The following XKR3 variants were observed in gnomAD, a reference collection of about 807,000 sequenced individuals.
XKR3 encodes the protein XK related 3.
In XKR3, 27 loss-of-function variants were observed where a neutral mutation model predicts 40.3. That is an observed-to-expected ratio of 0.67 (90% CI 0.49 to 0.92). The LOEUF (loss-of-function observed/expected upper bound fraction) is 0.92, where lower values mean the gene tolerates loss of function less well. Among genes scored for constraint, XKR3 ranks in the 40% least tolerant of loss-of-function variants. The probability of loss-of-function intolerance (pLI) is 0.00; values close to 1 mark genes in which losing one functional copy is unlikely to be tolerated. For missense variants in XKR3, 472 were observed against 537.6 expected, an observed-to-expected ratio of 0.88 and a Z score of 1.21; for synonymous variants, 193 against 195.4, an observed-to-expected ratio of 0.99 and a Z score of 0.10.
chr22:16,795,101 G>A (rs1424861764), intron 3 of XKR3, among the ~76,000 whole-genome samples: 2 of 152,152 alleles, frequency 1.3e-5, no homozygotes, highest in Admixed American at 6.5e-5. Flanking sequence ...ATGAAGAATT[G>A]TCATTCTTCT....
At chr22:16,817,157 A>T (rs1280805210) in intron 1 of XKR3, among the ~76,000 whole-genome samples, 2 of 148,366 alleles carry the variant, frequency 1.3e-5, no homozygotes, top group Non-Finnish European at 3.0e-5. Flanking sequence ...TTCATTTTTC[A>T]ATGAGATATA....
At chr22:16,817,902 C>A (rs1223450065) in intron 1 of XKR3, among the ~76,000 whole-genome samples, 2 of 151,962 alleles carry the variant, frequency 1.3e-5, no homozygotes, top group African/African-American at 4.8e-5. Context: ...TATGAAAAGC[C>A]ATTATTACTA....
intron 1 of XKR3, among the ~76,000 whole-genome samples, chr22:16,816,882 T>A (rs967965268): frequency 7.2e-5 from 11 of 152,030 alleles, no homozygotes; most frequent in Non-Finnish European, 1.5e-4. Context: ...TCATTTTAAA[T>A]AAACAATAAA....
At chr22:16,796,146 A>C (rs1164691902) in intron 3 of XKR3, among the ~76,000 whole-genome samples, 1 of 152,204 alleles carries the variant, frequency 6.6e-6, no homozygotes, top group Non-Finnish European at 1.5e-5. Context: ...TCCCAAGACT[A>C]AATCAAGAAG....
At position 16,799,852 on chromosome 22, in the gene XKR3, G is replaced by C; in HGVS notation, c.508C>G (p.Gln170Glu). ...TGTGGAACAGAACCGAGAAAAGCCTGAATCACTGACATGTACTTGAAAGCC... is the reference window on the plus strand; with the variant it reads ...TGTGGAACAGAACCGAGAAAAGCCTCAATCACTGACATGTACTTGAAAGCC... ...QKAFKYMSVIQAFLGSVPQLI... is the reference protein window; with the variant it reads ...QKAFKYMSVIEAFLGSVPQLI... Residue 170 changes from glutamine to glutamate, a missense_variant, in exon 3 of 4, where the codon CAG becomes GAG. Physicochemically the swap from Gln to Glu is conservative, Grantham distance 29 (BLOSUM62 2). Coordinates refer to ENST00000684488, the MANE Select transcript of XKR3 (RefSeq NM_001386955.1). The C allele has an allele frequency of 6.2e-7, 1 of 1,614,116 alleles. No homozygotes were observed. Among genetic ancestry groups the C allele is most frequent in the Non-Finnish European group, 8.5e-7 (1 of 1,180,006 alleles).
intron 3 of XKR3, among the ~76,000 whole-genome samples, chr22:16,798,373 GAAGTAT>G (rs1434302975): frequency 6.6e-6 from 1 of 152,166 alleles, no homozygotes; most frequent in Non-Finnish European, 1.5e-5. Context: ...ACTGCTGATA[GAAGTAT>G]AAGTTAGATC....
At chr22:16,790,295 C>T (rs1294714464) in intron 3 of XKR3, among the ~76,000 whole-genome samples, 2 of 140,638 alleles carry the variant, frequency 1.4e-5, no homozygotes, top group Non-Finnish European at 3.0e-5. Flanking sequence ...GCAACAAAAC[C>T]ACCAACAGAC....
chr22:16,794,567 T>C (rs2060132972), intron 3 of XKR3, among the ~76,000 whole-genome samples: 1 of 152,226 alleles, frequency 6.6e-6, no homozygotes, highest in African/African-American at 2.4e-5. Context: ...CTCAAGGGAA[T>C]GCCAAACGTG....
chr22:16,783,580 A>C lies in XKR3; in HGVS notation c.*39T>G. 6.9e-7 allele frequency: 1 copy of C among 1,459,288 alleles called. No homozygotes were observed. Among genetic ancestry groups the C allele is most frequent in the Non-Finnish European group, 9.1e-7 (1 of 1,094,398 alleles). The allele number at this position is 1,459,288 out of a possible 1,614,324, so 90.4% of individuals were successfully genotyped here. ...AGCCTCTTAACAAGTCACATTCAGC[A>C]TCTTTACTCATTGTTCTGTGAAAGT... is the stretch of plus-strand genomic sequence containing the variant. On this transcript the variant is annotated 3_prime_UTR_variant, in exon 4 of 4. Transcript: ENST00000684488.
chr22:16,816,359 A>G (rs1201976463), intron 1 of XKR3, among the ~76,000 whole-genome samples: 1 of 119,852 alleles, frequency 8.3e-6, no homozygotes, highest in Non-Finnish European at 1.9e-5. Context: ...ATATTTTTAC[A>G]CTTTCTGTAG....
intron 2 of XKR3, among the ~76,000 whole-genome samples, chr22:16,803,933 C>T (rs1257563819): frequency 6.6e-6 from 1 of 152,136 alleles, no homozygotes; most frequent in Non-Finnish European, 1.5e-5. Context: ...TGTGGACTTG[C>T]CCTGAATTTT....
chr22:16,792,368 C>A (rs1340936940), intron 3 of XKR3, among the ~76,000 whole-genome samples: 1 of 152,190 alleles, frequency 6.6e-6, no homozygotes, highest in Non-Finnish European at 1.5e-5. Flanking sequence ...AGTGAACACA[C>A]AAATACACGC....
chr22:16,796,568 A>T (rs1188774265), intron 3 of XKR3, among the ~76,000 whole-genome samples: 5 of 152,230 alleles, frequency 3.3e-5, no homozygotes, highest in Non-Finnish European at 7.3e-5. Flanking sequence ...CAAATCAATA[A>T]ATGTGATCAC....
intron 3 of XKR3, among the ~76,000 whole-genome samples, chr22:16,789,547 T>C (rs1435797782): frequency 6.6e-6 from 1 of 152,178 alleles, no homozygotes; most frequent in Non-Finnish European, 1.5e-5. Context: ...TGGAAAGATA[T>C]CTATGCTAAT....
At chr22:16,811,915 A>G (rs1315884393) in intron 1 of XKR3, among the ~76,000 whole-genome samples, 2 of 152,278 alleles carry the variant, frequency 1.3e-5, no homozygotes, top group African/African-American at 4.8e-5. Flanking sequence ...AGGCTGAGGC[A>G]GGAGAATGGT....
intron 2 of XKR3, among the ~76,000 whole-genome samples, chr22:16,804,454 T>G (rs1240733280): frequency 6.6e-6 from 1 of 152,162 alleles, no homozygotes; most frequent in African/African-American, 2.4e-5. Flanking sequence ...AGCTGTCCTA[T>G]GTGGGGGAAA....
chr22:16,784,680 G>T (rs1450577927), intron 3 of XKR3, among the ~76,000 whole-genome samples: 2 of 152,040 alleles, frequency 1.3e-5, no homozygotes, highest in African/African-American at 2.4e-5. Flanking sequence ...TTCCCTCAAA[G>T]AGAAGACTGG....
intron 3 of XKR3, among the ~76,000 whole-genome samples, chr22:16,789,394 A>G (rs1162377272): frequency 1.4e-4 from 21 of 152,192 alleles, no homozygotes; most frequent in African/African-American, 4.8e-4. Context: ...AACCTCAAGA[A>G]AATAATCCCA....
In XKR3 at chr22:16,783,951, A is replaced by G. The variant is rs2060077500; in HGVS notation, c.1048T>C (p.Phe350Leu). The change falls in exon 4 of 4, where the codon TTT becomes CTT. Residue 350 changes from phenylalanine to leucine, a missense_variant. Transcript: ENST00000684488. ...RWGHRILHYS[F>L]QFLENVIMIL... Reference sequence around the variant, plus strand: ...ATTATCACATTTTCTAAAAACTGAAAGCTGTAGTGTAGGATTCTATGGCCC... The same window carrying G: ...ATTATCACATTTTCTAAAAACTGAAGGCTGTAGTGTAGGATTCTATGGCCC... 6.2e-7 allele frequency: 1 copy of G among 1,614,126 alleles called. No individual in the cohort carries two copies. Among genetic ancestry groups the G allele is most frequent in the Non-Finnish European group, 8.5e-7 (1 of 1,180,058 alleles).
Sources: gnomAD v4.1 joint callset for allele counts (sites outside exome capture counted in the v4.1 genomes callset) on GRCh38, gnomAD v4.1.1 for gene constraint, MANE v1.5 for transcripts, NCBI Gene and HGNC (gene_info 2026-07-23, HGNC 2026-07-21) for gene names.